Variants in WDPCP observed in about 807,000 individuals in gnomAD.
The protein encoded by WDPCP is WD repeat-containing and planar cell polarity effector protein fritz homolog.
In WDPCP, 71 loss-of-function variants were observed where a neutral mutation model predicts 93.1. That is an observed-to-expected ratio of 0.76 (90% CI 0.63 to 0.93). The LOEUF (loss-of-function observed/expected upper bound fraction) is 0.93, where lower values mean the gene tolerates loss of function less well. Among genes scored for constraint, WDPCP ranks in the 40% least tolerant of loss-of-function variants. The pLI, the probability that WDPCP is intolerant of heterozygous loss-of-function variation, is 0.00. For missense variants in WDPCP, 844 were observed against 887.4 expected (o/e 0.95, Z 0.62); for synonymous variants, 315 against 315.0 (o/e 1.00, Z 0.00).
intron 3 of WDPCP, among the ~76,000 whole-genome samples, chr2:63,616,372 G>A (rs1401718788): frequency 3.3e-5 from 5 of 152,136 alleles, no homozygotes; most frequent in Non-Finnish European, 7.4e-5. Flanking sequence ...AAACAAACTG[G>A]GGGAATTAAG....
chr2:63,749,819 G>C (rs2103878950), intron 2 of WDPCP, among the ~76,000 whole-genome samples: 1 of 152,120 alleles, frequency 6.6e-6, no homozygotes, highest in Non-Finnish European at 1.5e-5. Flanking sequence ...TCTTAAAAAA[G>C]GACAAACTAG....
intron 1 of WDPCP, among the ~76,000 whole-genome samples, chr2:63,560,531 A>G (rs1467132981): frequency 6.6e-6 from 1 of 152,244 alleles, no homozygotes; most frequent in Non-Finnish European, 1.5e-5. Flanking sequence ...TGACAGGTAC[A>G]CATACGTTTA....
chr2:63,135,193 A>G (rs1472119754), intron 17 of WDPCP, among the ~76,000 whole-genome samples: 1 of 152,222 alleles, frequency 6.6e-6, no homozygotes, highest in Non-Finnish European at 1.5e-5. Flanking sequence ...CCATCAGAGA[A>G]TAGTCTACTA....
chr2:63,293,472 C>CA (rs747003556), intron 13 of WDPCP, among the ~76,000 whole-genome samples: 23 of 150,932 alleles, frequency 1.5e-4, no homozygotes, highest in Non-Finnish European at 1.6e-4. Context: ...TTTTCAGCAA[C>CA]AAAAAATCAT....
At chr2:63,323,716 G>A (rs894855296) in intron 12 of WDPCP, among the ~76,000 whole-genome samples, 17 of 152,126 alleles carry the variant, frequency 1.1e-4, no homozygotes, top group Admixed American at 4.6e-4. Flanking sequence ...CACTAAATCC[G>A]ATTTTTCTCG....
At chr2:63,791,352 CT>C (rs1176893212) in intron 2 of WDPCP, among the ~76,000 whole-genome samples, 1 of 152,170 alleles carries the variant, frequency 6.6e-6, no homozygotes, top group East Asian at 1.9e-4. Flanking sequence ...ATCTCCGTTC[CT>C]TACTTAGTAT....
At chr2:63,699,839 A>G (rs760240673) in intron 2 of WDPCP, among the ~76,000 whole-genome samples, 3 of 152,166 alleles carry the variant, frequency 2.0e-5, no homozygotes, top group Non-Finnish European at 2.9e-5. Flanking sequence ...AGAATTGACA[A>G]AACACAGTTA....
chr2:63,158,973 C>CAAAAAAAAAAA (rs34001322), intron 15 of WDPCP, among the ~76,000 whole-genome samples: 3 of 61,140 alleles, frequency 4.9e-5, no homozygotes, highest in African/African-American at 8.6e-5. Flanking sequence ...CTCATCTCTA[C>CAAAAAAAAAAA]AAAAAAAAAA....
intron 1 of WDPCP, chr2:63,518,069 G>T (rs1420594709): frequency 2.0e-5 from 3 of 152,162 alleles, no homozygotes; most frequent in Non-Finnish European, 4.4e-5. Context: ...TGTACTTTTA[G>T]TAGAGATGGG....
In WDPCP at chr2:63,502,643, C is replaced by T. The variant is rs1701626558; in HGVS notation, c.76-9703G>A. Among the ~76,000 whole-genome samples the T allele has an allele frequency of 4.6e-5, 7 of 152,212 alleles. No individual in the cohort carries two copies. In the South Asian group the frequency reaches 1.4e-3, roughly 32 times the overall value. Reference sequence around the variant, plus strand: ...TTACCTGTTCCTATATTTTGCTCATCTTTCTATTAAGTTCTTTATCCCTAT... The same window carrying T: ...TTACCTGTTCCTATATTTTGCTCATTTTTCTATTAAGTTCTTTATCCCTAT... On this transcript the variant is annotated intron_variant, in intron 1 of 17. Coordinates refer to ENST00000272321, the MANE Select transcript of WDPCP (RefSeq NM_015910.7).
At chr2:63,265,177 A>G (rs545918205) in intron 13 of WDPCP, among the ~76,000 whole-genome samples, 2 of 152,268 alleles carry the variant, frequency 1.3e-5, no homozygotes, top group African/African-American at 4.8e-5. Context: ...GGAAGGAAAT[A>G]ATAGAGAAAA....
chr2:63,452,380 T>G (rs981847005), intron 6 of WDPCP, among the ~76,000 whole-genome samples: 2 of 152,096 alleles, frequency 1.3e-5, no homozygotes, highest in Admixed American at 6.5e-5. Context: ...GAATCCAACT[T>G]ACAAGGGATG....
chr2:63,352,280 T>A (rs1201259192), intron 12 of WDPCP, among the ~76,000 whole-genome samples: 2 of 152,306 alleles, frequency 1.3e-5, no homozygotes, highest in South Asian at 4.1e-4. Flanking sequence ...TTAATCAGGA[T>A]GCACTTGTCT....
intron 3 of WDPCP, chr2:63,606,075 T>C (rs1178467194): frequency 1.3e-6 from 2 of 1,514,646 alleles, no homozygotes; most frequent in Non-Finnish European, 9.2e-7. Flanking sequence ...AGTAGTTATA[T>C]GTTTCTCTTA....
At chr2:63,641,758 T>C (rs1575736734) in intron 3 of WDPCP, among the ~76,000 whole-genome samples, 1 of 152,212 alleles carries the variant, frequency 6.6e-6, no homozygotes, top group Admixed American at 6.5e-5. Flanking sequence ...CTTCACTTTA[T>C]TGATTGTTTC....
chr2:63,287,337 T>G (rs1575064372), intron 13 of WDPCP, among the ~76,000 whole-genome samples: 1 of 151,920 alleles, frequency 6.6e-6, no homozygotes, highest in East Asian at 1.9e-4. Flanking sequence ...TTCAACATAC[T>G]CATATCAACT....
intron 6 of WDPCP, among the ~76,000 whole-genome samples, chr2:63,452,565 C>A (rs2105660935): frequency 6.6e-6 from 1 of 152,300 alleles, no homozygotes; most frequent in East Asian, 1.9e-4. Context: ...CTACCATTGA[C>A]TTTCTTCACA....
chr2:63,484,878 ATT>A lies in WDPCP; in HGVS notation c.324+37_324+38del, dbSNP rs757630043. The A allele has an allele frequency of 4.4e-6, 7 of 1,602,778 alleles. No individual in the cohort carries two copies. The African/African-American group carries it at 9.4e-5, about 21-fold the overall frequency. ...CTGTTGAAAGATGTTTTAAAAACAGATTTGTTTGTTGCCATTTTTGAAACTTT... is the reference window on the plus strand; with the variant it reads ...CTGTTGAAAGATGTTTTAAAAACAGATGTTTGTTGCCATTTTTGAAACTTT... On this transcript the variant is annotated intron_variant, in intron 5 of 17. Transcript: ENST00000272321.
At chr2:63,584,602 C>T (rs1708720373) in intron 1 of WDPCP, among the ~76,000 whole-genome samples, 1 of 151,922 alleles carries the variant, frequency 6.6e-6, no homozygotes, top group Non-Finnish European at 1.5e-5. Context: ...CTATTGATGG[C>T]CATATGGGTA....
Sources: allele counts gnomAD v4.1 joint callset (sites outside exome capture counted in the v4.1 genomes callset), GRCh38; gene constraint gnomAD v4.1.1; transcripts MANE v1.5; gene names NCBI Gene and HGNC (gene_info 2026-07-23, HGNC 2026-07-21).